Variants in LRP2 observed in about 807,000 individuals in gnomAD.
LRP2 encodes the protein low-density lipoprotein receptor-related protein 2.
In LRP2, 172 loss-of-function variants were observed where a neutral mutation model predicts 531.0. That is an observed-to-expected ratio of 0.32 (90% CI 0.29 to 0.37). The LOEUF is 0.37. Among genes scored for constraint, LRP2 ranks in the 10% least tolerant of loss-of-function variants. LRP2 has a pLI of 1.00. For synonymous variants in LRP2, 1,992 were observed against 2,027.6 expected (o/e 0.98, Z 0.47); for missense variants, 5,167 against 5,868.3 (o/e 0.88, Z 3.90).
chr2:169,225,503 A>ACTT (rs766544304), intron 32 of LRP2, 50 bp from the exon 33 acceptor site: 2 of 1,608,504 alleles, frequency 1.2e-6, no homozygotes, highest in Admixed American at 3.3e-5. Context: ...CATGGCTCCT[A>ACTT]CAAAAGAACC....
At chr2:169,147,779 G>A (rs1330726835) in intron 68 of LRP2, among the ~76,000 whole-genome samples, 3 of 152,144 alleles carry the variant, frequency 2.0e-5, no homozygotes, top group African/African-American at 7.2e-5. Flanking sequence ...GAGAGATCCC[G>A]GTTGTAAATA....
chr2:169,248,176 G>A (rs905427823), intron 19 of LRP2, among the ~76,000 whole-genome samples: 4 of 152,044 alleles, frequency 2.6e-5, no homozygotes, highest in South Asian at 2.1e-4. Context: ...AGAGAGAGGC[G>A]ACATAAGATT....
At chr2:169,170,714 T>C (rs1296826995) in intron 58 of LRP2, 47 bp from the exon 59 acceptor site, 5 of 1,297,748 alleles carry the variant, frequency 3.9e-6, no homozygotes, top group Non-Finnish European at 4.5e-6. Context: ...AGGAATCACA[T>C]ACAGGAGACA....
At chr2:169,271,980 C>T (rs536583945) in intron 15 of LRP2, among the ~76,000 whole-genome samples, 7 of 151,906 alleles carry the variant, frequency 4.6e-5, no homozygotes, top group Non-Finnish European at 1.0e-4. Flanking sequence ...ATCGCAGTAA[C>T]GGAATTTAAA....
At chr2:169,278,693 G>A (rs62173980) in intron 12 of LRP2, among the ~76,000 whole-genome samples, 6,407 of 152,236 alleles carry the variant, frequency 0.042, 175 homozygotes, top group South Asian at 0.11. Flanking sequence ...AAGTAGAACT[G>A]AATAATCATC....
In LRP2 at chr2:169,309,492, G is replaced by A. The variant is rs769936322; in HGVS notation, c.311-2095C>T. 3.3e-5 allele frequency among the ~76,000 whole-genome samples: 5 copies of A among 152,016 alleles called. No homozygotes were observed. In the South Asian group the frequency reaches 8.3e-4, roughly 25 times the overall value. The stretch of plus-strand genomic sequence containing the variant: ...GTATTAAATAGGGAATCCTTTTCCC[G>A]TTTCTTGTTTTTGTCAGGTTTGTCA... On this transcript the variant is annotated intron_variant, in intron 3 of 78. Coordinates refer to ENST00000649046, the MANE Select transcript of LRP2 (RefSeq NM_004525.3).
intron 71 of LRP2, among the ~76,000 whole-genome samples, chr2:169,140,780 A>G (rs1685692857): frequency 6.6e-6 from 1 of 152,216 alleles, no homozygotes; most frequent in Non-Finnish European, 1.5e-5. Context: ...AAAACAATGG[A>G]GAGGTACTAG....
intron 68 of LRP2, among the ~76,000 whole-genome samples, chr2:169,149,432 C>T (rs943147221): frequency 8.5e-5 from 13 of 152,126 alleles, no homozygotes; most frequent in East Asian, 1.9e-4. Context: ...GGTTGTAGGT[C>T]GGGTCTGCAG....
chr2:169,307,166 T>A (rs1026119716), intron 4 of LRP2, 115 bp downstream of exon 4: 1 of 777,124 alleles, frequency 1.3e-6, no homozygotes, highest in Admixed American at 1.8e-5. Context: ...GAGATTGCAA[T>A]AACAAGAGGC....
intron 60 of LRP2, 62 bp downstream of exon 60, chr2:169,169,640 G>T: frequency 1.5e-6 from 2 of 1,303,352 alleles, no homozygotes; most frequent in Non-Finnish European, 2.2e-6. Flanking sequence ...GCGGACTGAT[G>T]TCTAAACTAT....
chr2:169,255,586 G>T (rs1044580038), intron 19 of LRP2, among the ~76,000 whole-genome samples: 7 of 152,082 alleles, frequency 4.6e-5, no homozygotes, highest in Non-Finnish European at 2.9e-5. Flanking sequence ...ATAAAACAAA[G>T]ACGATGTCAG....
intron 48 of LRP2, 141 bp from the exon 49 acceptor site, chr2:169,188,406 C>T (rs1301762293): frequency 1.2e-6 from 1 of 803,240 alleles, no homozygotes; most frequent in East Asian, 2.6e-5. Context: ...TCCTTGATCC[C>T]CTTTCCCCCA....
intron 1 of LRP2, among the ~76,000 whole-genome samples, chr2:169,343,962 A>G (rs1223704330): frequency 6.6e-6 from 1 of 152,100 alleles, no homozygotes; most frequent in Non-Finnish European, 1.5e-5. Context: ...ATATTTACTA[A>G]CTCCTCAAAA....
chr2:169,334,286 C>T (rs891284442), intron 1 of LRP2, among the ~76,000 whole-genome samples: 3 of 152,044 alleles, frequency 2.0e-5, no homozygotes, highest in Non-Finnish European at 4.4e-5. Flanking sequence ...AAAATATATA[C>T]AATAAAATCT....
intron 3 of LRP2, among the ~76,000 whole-genome samples, chr2:169,307,664 A>G (rs1348465535): frequency 6.6e-6 from 1 of 152,234 alleles, no homozygotes; most frequent in Non-Finnish European, 1.5e-5. Flanking sequence ...TTAAAACTAT[A>G]TGGTAAAAAG....
chr2:169,175,551 A>G (rs1349442769), intron 54 of LRP2, among the ~76,000 whole-genome samples, 162 bp from the exon 55 acceptor site: 2 of 152,254 alleles, frequency 1.3e-5, no homozygotes, highest in Admixed American at 6.5e-5. Flanking sequence ...GTATTTTCAG[A>G]GAAAACATAA....
chr2:169,189,608 A>C (rs1161603165), intron 48 of LRP2, among the ~76,000 whole-genome samples: 1 of 152,190 alleles, frequency 6.6e-6, no homozygotes, highest in Non-Finnish European at 1.5e-5. Flanking sequence ...TTTCAGCAGC[A>C]TCAGTAGTGA....
At chr2:169,360,196 T>C (rs908701183) in intron 1 of LRP2, among the ~76,000 whole-genome samples, 1 of 151,034 alleles carries the variant, frequency 6.6e-6, no homozygotes, top group Non-Finnish European at 1.5e-5. Flanking sequence ...GTAGCAATTA[T>C]AGACTCTGAA....
intron 1 of LRP2, among the ~76,000 whole-genome samples, chr2:169,328,003 G>A (rs1212968630): frequency 1.5e-5 from 2 of 129,696 alleles, no homozygotes; most frequent in African/African-American, 3.0e-5. Flanking sequence ...CCCCACGTCC[G>A]GGAGGGAGGT....
Sources: allele counts gnomAD v4.1 joint callset (sites outside exome capture counted in the v4.1 genomes callset), GRCh38; gene constraint gnomAD v4.1.1; transcripts MANE v1.5; gene names NCBI Gene and HGNC (gene_info 2026-07-23, HGNC 2026-07-21).